Variants in CBLN2 observed in about 807,000 individuals in gnomAD.
The protein encoded by CBLN2 is cerebellin 2 precursor, also known as cerebellin-2.
In CBLN2, 7 loss-of-function variants were observed where a neutral mutation model predicts 15.0. The ratio of observed to expected loss-of-function variants is 0.47; its 90% CI spans 0.27 to 0.88. CBLN2 has a LOEUF of 0.88. Ranked by LOEUF, CBLN2 falls within the 40% of genes least tolerant of loss-of-function variation. The pLI is 0.14. For missense variants in CBLN2, 242 were observed against 304.5 expected (o/e 0.79, Z 1.53); for synonymous variants, 149 against 135.2 (o/e 1.10, Z -0.71).
intron 1 of CBLN2, among the ~76,000 whole-genome samples, chr18:72,572,029 A>T (rs2069335441): frequency 6.6e-6 from 1 of 152,200 alleles, no homozygotes; most frequent in Non-Finnish European, 1.5e-5. Flanking sequence ...TGCTAATTTT[A>T]ACATTGAGAC....
intron 1 of CBLN2, chr18:72,618,263 T>G: frequency 3.1e-6 from 1 of 318,648 alleles, no homozygotes; most frequent in Admixed American, 4.2e-5. Context: ...TTTCCCCTGC[T>G]GTCATGTCTA....
intron 1 of CBLN2, among the ~76,000 whole-genome samples, chr18:72,564,272 G>A (rs1208188502): frequency 6.6e-6 from 1 of 152,106 alleles, no homozygotes; most frequent in Non-Finnish European, 1.5e-5. Flanking sequence ...TCAGTGAGAT[G>A]CAAGAGAATG....
intron 1 of CBLN2, among the ~76,000 whole-genome samples, chr18:72,559,740 A>C (rs2144891566): frequency 6.6e-6 from 1 of 152,334 alleles, no homozygotes; most frequent in Non-Finnish European, 1.5e-5. Context: ...AGTGACATGG[A>C]CACAGATGAC....
At chr18:72,595,318 T>C (rs1193180411) in intron 1 of CBLN2, among the ~76,000 whole-genome samples, 1 of 152,104 alleles carries the variant, frequency 6.6e-6, no homozygotes, top group Non-Finnish European at 1.5e-5. Flanking sequence ...TCTTTAATTT[T>C]TGTGTGTTTG....
chr18:72,562,911 T>C (rs1020856959), intron 1 of CBLN2, among the ~76,000 whole-genome samples: 1 of 152,216 alleles, frequency 6.6e-6, no homozygotes, highest in African/African-American at 2.4e-5. Flanking sequence ...TACAGGAAAT[T>C]GAAAGCAAGT....
chr18:72,609,670 AG>A (rs1358348159), intron 1 of CBLN2, among the ~76,000 whole-genome samples: 2 of 152,140 alleles, frequency 1.3e-5, no homozygotes, highest in African/African-American at 4.8e-5. Flanking sequence ...GTTTCAAAGG[AG>A]GTTTCAATTT....
chr18:72,621,346 T>G (rs1278911556), intron 1 of CBLN2, among the ~76,000 whole-genome samples: 1 of 152,198 alleles, frequency 6.6e-6, no homozygotes, highest in East Asian at 1.9e-4. Flanking sequence ...TTACGTGATA[T>G]TTTTGATAGA....
chr18:72,579,285 A>G (rs1326034049), intron 1 of CBLN2, among the ~76,000 whole-genome samples: 1 of 152,258 alleles, frequency 6.6e-6, no homozygotes, highest in Admixed American at 6.5e-5. Flanking sequence ...GAAAGTATCA[A>G]TCATAAATAT....
At chr18:72,603,445 G>A (rs2069562318) in intron 1 of CBLN2, among the ~76,000 whole-genome samples, 1 of 151,982 alleles carries the variant, frequency 6.6e-6, no homozygotes, top group Non-Finnish European at 1.5e-5. Context: ...AGTGGAGATC[G>A]ATAGGTGAAA....
chr18:72,550,372 C>A (rs528451236), intron 1 of CBLN2, among the ~76,000 whole-genome samples: 7 of 152,120 alleles, frequency 4.6e-5, no homozygotes, highest in Non-Finnish European at 8.8e-5. Flanking sequence ...TTGAACCATA[C>A]AGGGAGGTAA....
At chr18:72,542,966 A>G in intron 2 of CBLN2, 1 of 147,396 alleles carries the variant, frequency 6.8e-6, no homozygotes, top group Non-Finnish European at 1.4e-5. Flanking sequence ...CACGGGCAGT[A>G]AAGCCAAACA....
intron 1 of CBLN2, among the ~76,000 whole-genome samples, chr18:72,558,365 G>A (rs990142560): frequency 3.3e-5 from 5 of 152,090 alleles, no homozygotes; most frequent in African/African-American, 4.8e-5. Context: ...CTGGGCACCC[G>A]GAAGCTCCAC....
chr18:72,630,037 T>C (rs1156967624), intron 1 of CBLN2, among the ~76,000 whole-genome samples: 5 of 152,182 alleles, frequency 3.3e-5, no homozygotes, highest in African/African-American at 7.2e-5. Context: ...AATCTTACAT[T>C]GTATAATCTT....
intron 1 of CBLN2, among the ~76,000 whole-genome samples, chr18:72,602,429 G>T (rs115075505): frequency 0.012 from 1,772 of 152,164 alleles, 38 homozygotes; most frequent in African/African-American, 0.04. Flanking sequence ...TCTTTCTTCT[G>T]TCAACATTCT....
At chr18:72,575,326 G>T (rs1029295219) in intron 1 of CBLN2, among the ~76,000 whole-genome samples, 2 of 152,254 alleles carry the variant, frequency 1.3e-5, no homozygotes, top group South Asian at 4.2e-4. Flanking sequence ...TGAGGATAGG[G>T]TGTTGGAAGG....
chr18:72,589,636 C>G (rs1470496312), intron 1 of CBLN2, among the ~76,000 whole-genome samples: 1 of 152,148 alleles, frequency 6.6e-6, no homozygotes, highest in Non-Finnish European at 1.5e-5. Flanking sequence ...TACTGGATGA[C>G]TCTATGAGAA....
At chr18:72,601,070 A>G (rs1330316485) in intron 1 of CBLN2, among the ~76,000 whole-genome samples, 2 of 152,208 alleles carry the variant, frequency 1.3e-5, no homozygotes, top group African/African-American at 4.8e-5. Flanking sequence ...TCATTTAACT[A>G]TGCCTATATC....
At chr18:72,597,704 G>A (rs1361266835) in intron 1 of CBLN2, among the ~76,000 whole-genome samples, 1 of 152,102 alleles carries the variant, frequency 6.6e-6, no homozygotes, top group African/African-American at 2.4e-5. Context: ...GAAACCTTTG[G>A]GATCTACCTG....
intron 1 of CBLN2, among the ~76,000 whole-genome samples, chr18:72,561,277 T>A (rs1179117910): frequency 6.8e-6 from 1 of 146,932 alleles, no homozygotes. Flanking sequence ...GACATTTATC[T>A]CCATAAAATT....
Sources: allele counts gnomAD v4.1 joint callset (sites outside exome capture counted in the v4.1 genomes callset), GRCh38; gene constraint gnomAD v4.1.1; transcripts MANE v1.5; gene names NCBI Gene and HGNC (gene_info 2026-07-23, HGNC 2026-07-21).